GLCE: variants seen among roughly 807,000 people sequenced by gnomAD.
GLCE encodes the protein glucuronic acid epimerase.
GLCE carries 19 observed loss-of-function variants against 47.9 expected under a neutral mutation model. The observed-to-expected ratio is 0.40, with a 90% CI of 0.28 to 0.58. GLCE has a LOEUF of 0.58. GLCE is among the 20% of genes least tolerant of loss of function. The pLI is 0.48. For synonymous variants in GLCE, 245 were observed against 263.4 expected (o/e 0.93, Z 0.68); for missense variants, 556 against 743.3 (o/e 0.75, Z 2.93).
intron 2 of GLCE, among the ~76,000 whole-genome samples, chr15:69,234,516 G>C (rs2052568850): frequency 6.6e-6 from 1 of 152,022 alleles, no homozygotes; most frequent in South Asian, 2.1e-4. Flanking sequence ...TCAACCCTTA[G>C]AAAATGTATT....
At chr15:69,168,117 T>C (rs1038152568) in intron 1 of GLCE, among the ~76,000 whole-genome samples, 3 of 152,148 alleles carry the variant, frequency 2.0e-5, no homozygotes, top group Non-Finnish European at 1.5e-5. Context: ...TAGATTTTTA[T>C]TGTCTTTCTA....
chr15:69,182,986 G>A (rs917626410), intron 1 of GLCE, among the ~76,000 whole-genome samples: 12 of 152,106 alleles, frequency 7.9e-5, no homozygotes, highest in African/African-American at 2.7e-4. Flanking sequence ...GCGACAGGGT[G>A]AGACCCTGTC....
chr15:69,234,588 T>G (rs925623824), intron 2 of GLCE, among the ~76,000 whole-genome samples: 44 of 152,320 alleles, frequency 2.9e-4, no homozygotes, highest in African/African-American at 9.9e-4. Flanking sequence ...AAATTTCATT[T>G]CTGCTTCACC....
intron 3 of GLCE, among the ~76,000 whole-genome samples, chr15:69,257,137 A>G (rs924297658): frequency 6.6e-6 from 1 of 152,106 alleles, no homozygotes; most frequent in African/African-American, 2.4e-5. Flanking sequence ...CTAAATATAT[A>G]TTTTTTGCTC....
At chr15:69,171,398 T>A (rs2051585941) in intron 1 of GLCE, among the ~76,000 whole-genome samples, 1 of 148,850 alleles carries the variant, frequency 6.7e-6, no homozygotes, top group Non-Finnish European at 1.5e-5. Flanking sequence ...TGGGATATAT[T>A]CTTTTTTTTT....
chr15:69,174,601 A>G (rs1284312702), intron 1 of GLCE, among the ~76,000 whole-genome samples: 1 of 151,952 alleles, frequency 6.6e-6, no homozygotes, highest in Non-Finnish European at 1.5e-5. Flanking sequence ...CAAGAGTGAA[A>G]CTATGTCTAA....
intron 1 of GLCE, among the ~76,000 whole-genome samples, chr15:69,175,782 G>A (rs2140334260): frequency 6.6e-6 from 1 of 152,292 alleles, no homozygotes; most frequent in East Asian, 1.9e-4. Flanking sequence ...ATGACTTTCT[G>A]TTATGTGATA....
chr15:69,237,012 T>C (rs1389385087), intron 2 of GLCE, among the ~76,000 whole-genome samples: 1 of 152,126 alleles, frequency 6.6e-6, no homozygotes, highest in Non-Finnish European at 1.5e-5. Context: ...TAAGAGAAAT[T>C]TATAATATGG....
chr15:69,202,039 C>G (rs1288095538), intron 1 of GLCE, among the ~76,000 whole-genome samples: 1 of 152,072 alleles, frequency 6.6e-6, no homozygotes, highest in Non-Finnish European at 1.5e-5. Flanking sequence ...CCTACCTCAG[C>G]CTCCCAACGA....
At chr15:69,268,069 T>TA (rs1304144998) in intron 4 of GLCE, 151 bp from the exon 5 acceptor site, 2 of 573,666 alleles carry the variant, frequency 3.5e-6, no homozygotes, top group Non-Finnish European at 6.1e-6. Context: ...TTTAATTTAA[T>TA]AAAAAATAAA....
At chr15:69,192,167 A>G (rs966375769) in intron 1 of GLCE, among the ~76,000 whole-genome samples, 3 of 151,910 alleles carry the variant, frequency 2.0e-5, no homozygotes, top group South Asian at 4.2e-4. Context: ...TTTTGTTTTC[A>G]TGCTTTCATT....
At chr15:69,235,227 C>G (rs1196549933) in intron 2 of GLCE, among the ~76,000 whole-genome samples, 1 of 150,362 alleles carries the variant, frequency 6.7e-6, no homozygotes, top group Non-Finnish European at 1.5e-5. Flanking sequence ...CCTGCCTCAG[C>G]CTCACAAGTA....
intron 1 of GLCE, among the ~76,000 whole-genome samples, chr15:69,200,523 G>A (rs2052063124): frequency 6.6e-6 from 1 of 152,062 alleles, no homozygotes; most frequent in Admixed American, 6.5e-5. Context: ...GTGGCATTTT[G>A]TTTCTACATA....
rs377632426 is a variant in GLCE, at chr15:69,189,778, C to T, written c.-104-20538C>T. Among the ~76,000 whole-genome samples the T allele has an allele frequency of 5.9e-5, 9 of 152,226 alleles. No homozygotes were observed. The East Asian group carries it at 1.5e-3, about 26-fold the overall frequency. On this transcript the variant is annotated intron_variant, in intron 1 of 4. Transcript: ENST00000261858. ...TACTTCCCTTCAGAAGAGGAGGACACACTTACTGCTTAGGATTAGCTTGCT... is the reference window on the plus strand; with the variant it reads ...TACTTCCCTTCAGAAGAGGAGGACATACTTACTGCTTAGGATTAGCTTGCT...
intron 2 of GLCE, among the ~76,000 whole-genome samples, chr15:69,239,723 A>G (rs1001997755): frequency 6.6e-6 from 1 of 152,186 alleles, no homozygotes; most frequent in Non-Finnish European, 1.5e-5. Flanking sequence ...CTGTGAGTTC[A>G]TATGTTACTT....
In GLCE at chr15:69,270,924, G is replaced by A. The variant is rs1038758094; in HGVS notation, c.*1680G>A. ...TGACCTTTGCATTTCATATATGTTAGATGTCTCAGCAAGAATATCTGGTCT... is the reference window on the plus strand; with the variant it reads ...TGACCTTTGCATTTCATATATGTTAAATGTCTCAGCAAGAATATCTGGTCT... On this transcript the variant is annotated 3_prime_UTR_variant, in exon 5 of 5. Coordinates refer to ENST00000261858, the MANE Select transcript of GLCE (RefSeq NM_015554.3). 1 of 152,182 alleles carries A rather than the reference G, an allele frequency of 6.6e-6. No individual in the cohort carries two copies. The allele number at this position is 152,182 out of a possible 1,614,324, so 9.4% of individuals were successfully genotyped here.
intron 1 of GLCE, among the ~76,000 whole-genome samples, chr15:69,198,452 A>G (rs1021630760): frequency 6.6e-6 from 1 of 152,152 alleles, no homozygotes; most frequent in African/African-American, 2.4e-5. Flanking sequence ...CAGGGCCTGA[A>G]GTCTCATCAG....
chr15:69,262,762 C>T (rs929466409), intron 4 of GLCE, among the ~76,000 whole-genome samples: 2 of 152,160 alleles, frequency 1.3e-5, no homozygotes, highest in African/African-American at 4.8e-5. Flanking sequence ...AACTCTGTCT[C>T]TAACAGCCAC....
At chr15:69,254,560 A>G (rs1052234928) in intron 2 of GLCE, among the ~76,000 whole-genome samples, 2 of 152,162 alleles carry the variant, frequency 1.3e-5, no homozygotes, top group African/African-American at 4.8e-5. Context: ...GGTAGTAACA[A>G]TGTAGTTGGT....
Sources: gnomAD v4.1 joint callset for allele counts (sites outside exome capture counted in the v4.1 genomes callset) on GRCh38, gnomAD v4.1.1 for gene constraint, MANE v1.5 for transcripts, NCBI Gene and HGNC (gene_info 2026-07-23, HGNC 2026-07-21) for gene names.